SUPT5H: variants seen among roughly 807,000 people sequenced by gnomAD.
SUPT5H encodes transcription elongation factor SPT5.
In SUPT5H, 24 loss-of-function variants were observed where a neutral mutation model predicts 142.5. The ratio of observed to expected loss-of-function variants is 0.17; its 90% CI spans 0.12 to 0.24. The LOEUF is 0.24. Among genes scored for constraint, SUPT5H ranks in the 10% least tolerant of loss-of-function variants. SUPT5H has a pLI of 1.00. For missense variants in SUPT5H, 893 were observed against 1,471.8 expected (o/e 0.61, Z 6.43); for synonymous variants, 546 against 553.0 (o/e 0.99, Z 0.18).
Position 39,476,452 on chromosome 19 carries a change from C to A in SUPT5H, c.*53C>A. Reference sequence around the variant, plus strand: ...GATGAAGAGTGATCCTCCTTCCTTCCCTGGCCCTTGGCTGTGACACAAGAT... The same window carrying A: ...GATGAAGAGTGATCCTCCTTCCTTCACTGGCCCTTGGCTGTGACACAAGAT... On this transcript the variant is annotated 3_prime_UTR_variant, in exon 30 of 30. Coordinates refer to ENST00000432763, the MANE Select transcript of SUPT5H (RefSeq NM_001111020.3). The A allele has an allele frequency of 6.2e-7, 1 of 1,606,054 alleles. No individual in the cohort carries two copies. The highest frequency in any genetic ancestry group is 1.1e-5 in the South Asian group (1 of 90,856).
chr19:39,459,652 G>T (rs1376387986), intron 9 of SUPT5H, 63 bp downstream of exon 9: 1 of 1,599,926 alleles, frequency 6.3e-7, no homozygotes, highest in African/African-American at 1.3e-5. Flanking sequence ...CTTTGTGGGG[G>T]AGAAGTGTCT....
In SUPT5H at chr19:39,468,766, G is replaced by T; in HGVS notation, c.1048G>T (p.Gly350Cys). 6.2e-7 allele frequency: 1 copy of T among 1,614,082 alleles called. No individual in the cohort carries two copies. Among genetic ancestry groups the T allele is most frequent in the Non-Finnish European group, 8.5e-7 (1 of 1,179,976 alleles). ...FDAEKIRSLG[G>C]DVASDGDFLI... ...CCCATCAAATTCCAGGTCCCTGGGG[G>T]GTGATGTTGCCTCTGATGGTGACTT... is the stretch of plus-strand genomic sequence containing the variant. Residue 350 changes from glycine to cysteine, a missense_variant, in exon 14 of 30, where the codon GGT becomes TGT. Physicochemically the swap from Gly to Cys is radical, Grantham distance 159. Around this residue, in one of 6 missense-constraint regions of SUPT5H, gnomAD observed 428 missense variants for 763.5 expected, o/e 0.56. Transcript: ENST00000432763.
chr19:39,447,379 G>A (rs764616550), intron 2 of SUPT5H, among the ~76,000 whole-genome samples: 1 of 151,514 alleles, frequency 6.6e-6, no homozygotes, highest in Non-Finnish European at 1.5e-5. Flanking sequence ...TTGTACCTCT[G>A]TTCCAGGAAC....
rs368110725 is a variant in SUPT5H, at chr19:39,459,970, G to T, written c.624+10G>T. 6.4e-5 allele frequency: 104 copies of T among 1,614,042 alleles called. No homozygotes were observed. In the African/African-American group the frequency reaches 1.3e-3, roughly 21 times the overall value. On this transcript the variant is annotated intron_variant, in intron 10 of 29. Transcript: ENST00000432763. ...CCAGTTCACAGACACGGTAAGTCGG[G>T]TAGACAGGCGGCTTGGTGGGGAGAC...
intron 2 of SUPT5H, 97 bp downstream of exon 2, chr19:39,446,062 C>G: frequency 6.9e-6 from 9 of 1,311,680 alleles, no homozygotes; most frequent in Non-Finnish European, 9.6e-6. Flanking sequence ...ACAGCGGGCT[C>G]TGGCTTCTGG....
At chr19:39,459,276 G>T (rs201784852) in intron 8 of SUPT5H, 27 bp downstream of exon 8, 34 of 1,554,398 alleles carry the variant, frequency 2.2e-5, no homozygotes, top group Non-Finnish European at 3.0e-5. Context: ...GGTGGGGGCC[G>T]TGCTGGGGTG....
At position 39,469,659 on chromosome 19, in the gene SUPT5H, T is replaced by G; in HGVS notation, c.1374+261T>G. The G allele has an allele frequency of 1.8e-6, 1 of 570,452 alleles. No individual in the cohort carries two copies. 35.3% of individuals were successfully genotyped at this position (570,452 alleles called of 1,614,324 possible). ...TCTGAAAAGCAAGATATCTGGGTAG[T>G]ACTGGGTTGAGAGTGTGATTAACCA... On this transcript the variant is annotated intron_variant, in intron 16 of 29. Transcript: ENST00000432763. The surrounding 1 kb of genome is among the most constrained non-coding windows in gnomAD (Gnocchi z 5.1).
At position 39,465,399 on chromosome 19, in the gene SUPT5H, C is replaced by T. The variant is rs1013481630; in HGVS notation, c.876+350C>T. Among the ~76,000 whole-genome samples, 7 of 152,286 alleles carry T rather than the reference C, an allele frequency of 4.6e-5. No homozygotes were observed. In the Middle Eastern group the frequency reaches 0.01, roughly 222 times the overall value. ...AGGGAGCTCACGAGGGCCTGCGGCC[C>T]ATTGGAGAGCTTTGGTGTTTACTGG... On this transcript the variant is annotated intron_variant, in intron 11 of 29. Transcript: ENST00000432763.
intron 9 of SUPT5H, 124 bp from the exon 10 acceptor site, chr19:39,459,768 C>A: frequency 2.3e-6 from 3 of 1,294,974 alleles, no homozygotes; most frequent in Non-Finnish European, 2.2e-6. Context: ...TCCTGGCTGT[C>A]CATCCTTCTT....
intron 13 of SUPT5H, chr19:39,468,530 G>A (rs746659260): frequency 4.2e-5 from 24 of 568,492 alleles, no homozygotes; most frequent in Non-Finnish European, 6.6e-5. Context: ...GATGGTGATC[G>A]GTGCTCAAAG....
chr19:39,473,542 G>T lies in SUPT5H; in HGVS notation c.2492+21G>T. On this transcript the variant is annotated intron_variant, in intron 25 of 29. Transcript: ENST00000432763. This position sits in a 1 kb window ranked among gnomAD's most constrained non-coding sequence, Gnocchi z 5.8. ...TCACGGTGAGTCCAGGGTTCCCCAG[G>T]TTCTGGTGTGTGCTGGTGTGTGTGA... 2 of 1,602,416 alleles carry T rather than the reference G, an allele frequency of 1.2e-6. No individual in the cohort carries two copies. The highest frequency in any genetic ancestry group is 8.5e-7 in the Non-Finnish European group (1 of 1,177,876).
At chr19:39,447,261 G>A (rs1031222342) in intron 2 of SUPT5H, among the ~76,000 whole-genome samples, 6 of 152,184 alleles carry the variant, frequency 3.9e-5, no homozygotes, top group African/African-American at 1.2e-4. Context: ...CTTGAAGGCT[G>A]TGGTAAGGAA....
intron 2 of SUPT5H, among the ~76,000 whole-genome samples, chr19:39,447,916 C>T (rs2078973701): frequency 6.6e-6 from 1 of 152,152 alleles, no homozygotes; most frequent in Non-Finnish European, 1.5e-5. Flanking sequence ...GTTTGATGCA[C>T]AGAAACTTAA....
Position 39,458,282 on chromosome 19 carries a change from T to C in SUPT5H, c.308-12T>C. Reference sequence around the variant, plus strand: ...CACCACCACCACCACCACCTCCTCTTCCTCCAAGTAGAAGAGATTGAAGGT... The same window carrying C: ...CACCACCACCACCACCACCTCCTCTCCCTCCAAGTAGAAGAGATTGAAGGT... On this transcript the variant is annotated splice_polypyrimidine_tract_variant and intron_variant, in intron 4 of 29. Coordinates refer to ENST00000432763, the MANE Select transcript of SUPT5H (RefSeq NM_001111020.3). The surrounding 1 kb of genome is among the most constrained non-coding windows in gnomAD (Gnocchi z 4.2). 1 of 896,316 alleles carries C rather than the reference T, an allele frequency of 1.1e-6. No individual in the cohort carries two copies. Among genetic ancestry groups the C allele is most frequent in the Non-Finnish European group, 1.7e-6 (1 of 595,098 alleles). The allele number at this position is 896,316 out of a possible 1,614,324, so 55.5% of individuals were successfully genotyped here. A position where few individuals can be genotyped will look rare whatever the true frequency, so the allele number is the denominator to read the frequency against.
At chr19:39,463,379 G>T (rs2079191772) in intron 10 of SUPT5H, among the ~76,000 whole-genome samples, 1 of 152,072 alleles carries the variant, frequency 6.6e-6, no homozygotes, top group Non-Finnish European at 1.5e-5. Flanking sequence ...ATAAGTTTTG[G>T]TATCTAGGAG....
intron 2 of SUPT5H, 62 bp downstream of exon 2, chr19:39,446,027 C>T (rs1364024082): frequency 4.5e-6 from 7 of 1,556,348 alleles, no homozygotes; most frequent in Admixed American, 1.9e-5. Context: ...GGCAGAAAGG[C>T]CCCTGTGGGA....
chr19:39,471,782 C>T, intron 20 of SUPT5H, 52 bp downstream of exon 20: 3 of 1,577,984 alleles, frequency 1.9e-6, no homozygotes, highest in Admixed American at 1.8e-5. Context: ...CTCAGCTCTC[C>T]AAGCCTCCTC....
At position 39,470,477 on chromosome 19, in the gene SUPT5H, C is replaced by T. The variant is rs1254618893; in HGVS notation, c.1631C>T (p.Pro544Leu). ...TGGGGCGAGCTGGTGCAGCTGGATC[C>T]CCAGACTGTGGGTGTCATCGTGCGA... ...HEWGELVQLD[P>L]QTVGVIVRLE... is the part of the protein sequence containing the mutation. The change falls in exon 18 of 30, where the codon CCC becomes CTC. Residue 544 changes from proline (P) to leucine (L), a missense_variant. Physicochemically the swap from Pro to Leu is moderately conservative, Grantham distance 98 (BLOSUM62 -3). Around this residue, in one of 6 missense-constraint regions of SUPT5H, gnomAD observed 428 missense variants for 763.5 expected, o/e 0.56. Coordinates refer to ENST00000432763, the MANE Select transcript of SUPT5H (RefSeq NM_001111020.3). This position sits in a 1 kb window ranked among gnomAD's most constrained non-coding sequence, Gnocchi z 5.8. 1 of 1,601,228 alleles carries T rather than the reference C, an allele frequency of 6.2e-7. No individual in the cohort carries two copies. The highest frequency in any genetic ancestry group is 8.5e-7 in the Non-Finnish European group (1 of 1,172,922).
In SUPT5H at chr19:39,474,571, C is replaced by G; in HGVS notation, c.2877C>G (p.Ser959=). Residue 959 remains serine, a synonymous_variant, in exon 28 of 30, where the codon TCC becomes TCG. Transcript: ENST00000432763. This position sits in a 1 kb window ranked among gnomAD's most constrained non-coding sequence, Gnocchi z 6.5. Reference sequence around the variant, plus strand: ...GTCCTATGACACCTGGAGCTCCCTCCCCTGGTGGCTACAACCCACACACGC... The same window carrying G: ...GTCCTATGACACCTGGAGCTCCCTCGCCTGGTGGCTACAACCCACACACGC... ...GYSPMTPGAP[S]PGGYNPHTPG... 1 of 1,614,250 alleles carries G rather than the reference C, an allele frequency of 6.2e-7. No homozygotes were observed. Among genetic ancestry groups the G allele is most frequent in the East Asian group, 2.2e-5 (1 of 44,890 alleles).
Sources: gnomAD v4.1 joint callset for allele counts (sites outside exome capture counted in the v4.1 genomes callset) on GRCh38, gnomAD v4.1.1 for gene constraint, gnomAD v4.1.1 regional missense constraint, Gnocchi (gnomAD v3.1) non-coding constraint, MANE v1.5 for transcripts, NCBI Gene and HGNC (gene_info 2026-07-23, HGNC 2026-07-21) for gene names.